The following KIF16B variants were observed in gnomAD, a reference collection of about 807,000 sequenced individuals.
KIF16B encodes kinesin-like protein KIF16B.
In KIF16B, 98 loss-of-function variants were observed where a neutral mutation model predicts 156.3. The observed-to-expected ratio is 0.63, with a 90% CI of 0.53 to 0.74. The LOEUF (loss-of-function observed/expected upper bound fraction) is 0.74. Among genes scored for constraint, KIF16B ranks in the 30% least tolerant of loss-of-function variants. The probability of loss-of-function intolerance (pLI) is 0.00; values close to 1 mark genes in which losing one functional copy is unlikely to be tolerated. For missense variants in KIF16B, 1,421 were observed against 1,606.5 expected (o/e 0.88, Z 1.97); for synonymous variants, 564 against 583.7 (o/e 0.97, Z 0.49).
At chr20:16,566,831 C>T (rs1025422370) in intron 1 of KIF16B, among the ~76,000 whole-genome samples, 1 of 152,188 alleles carries the variant, frequency 6.6e-6, no homozygotes, top group Non-Finnish European at 1.5e-5. Flanking sequence ...TAACTAAAAT[C>T]CTTTTTTTAT....
intron 23 of KIF16B, among the ~76,000 whole-genome samples, chr20:16,341,879 G>C (rs753322580): frequency 1.1e-4 from 16 of 152,174 alleles, no homozygotes; most frequent in Non-Finnish European, 1.9e-4. Context: ...GGCATTTAGG[G>C]ACTTTCCTAG....
intron 12 of KIF16B, among the ~76,000 whole-genome samples, chr20:16,482,486 A>G (rs1222288247): frequency 2.6e-5 from 4 of 152,122 alleles, no homozygotes; most frequent in African/African-American, 9.7e-5. Context: ...ACTACCTATG[A>G]AAGACTGAAG....
At chr20:16,497,460 A>G (rs1404744828) in intron 11 of KIF16B, among the ~76,000 whole-genome samples, 153 bp downstream of exon 11, 3 of 152,236 alleles carry the variant, frequency 2.0e-5, no homozygotes, top group African/African-American at 4.8e-5. Flanking sequence ...AATGTCAGCT[A>G]TCGTGCTTCT....
chr20:16,332,021 T>C (rs1394622762), intron 24 of KIF16B, among the ~76,000 whole-genome samples: 1 of 152,208 alleles, frequency 6.6e-6, no homozygotes, highest in Non-Finnish European at 1.5e-5. Context: ...GATATTCAAC[T>C]TAATTTTAAG....
intron 12 of KIF16B, among the ~76,000 whole-genome samples, chr20:16,447,011 A>C (rs2146570126): frequency 6.6e-6 from 1 of 152,328 alleles, no homozygotes; most frequent in East Asian, 1.9e-4. Flanking sequence ...AGTGCTGAGC[A>C]CAGGGCAGGC....
rs190478548 is a variant in KIF16B, at chr20:16,404,182, C to T, written c.1784+631G>A. 5.1e-4 allele frequency among the ~76,000 whole-genome samples: 78 copies of T among 152,204 alleles called. No individual in the cohort carries two copies. The Middle Eastern group carries it at 0.01, about 20-fold the overall frequency. On this transcript the variant is annotated intron_variant, in intron 17 of 25. Transcript: ENST00000354981. ...CTCCATTATTTTACATGAGATTATCCTGGTAGGAAAGATAAAATTATGGAA... is the reference window on the plus strand; with the variant it reads ...CTCCATTATTTTACATGAGATTATCTTGGTAGGAAAGATAAAATTATGGAA...
chr20:16,532,346 A>T (rs1374792326), intron 1 of KIF16B, among the ~76,000 whole-genome samples: 1 of 152,140 alleles, frequency 6.6e-6, no homozygotes, highest in Non-Finnish European at 1.5e-5. Flanking sequence ...TTGTGAACAA[A>T]CCCAAAAAGC....
At chr20:16,501,735 A>C (rs1287268122) in intron 10 of KIF16B, among the ~76,000 whole-genome samples, 3 of 152,210 alleles carry the variant, frequency 2.0e-5, no homozygotes, top group African/African-American at 7.2e-5. Context: ...GACTGAAAGA[A>C]GTGAGATCAA....
At chr20:16,325,035 G>T (rs994565960) in intron 24 of KIF16B, among the ~76,000 whole-genome samples, 3 of 151,862 alleles carry the variant, frequency 2.0e-5, no homozygotes, top group Admixed American at 6.6e-5. Context: ...ACATAAACAG[G>T]ATTGAAAACA....
intron 12 of KIF16B, among the ~76,000 whole-genome samples, chr20:16,454,667 T>C (rs1484880144): frequency 2.0e-5 from 3 of 151,964 alleles, no homozygotes; most frequent in Non-Finnish European, 1.5e-5. Flanking sequence ...AATGCTGTTA[T>C]TAAGGAAGAT....
intron 1 of KIF16B, among the ~76,000 whole-genome samples, chr20:16,554,906 T>C (rs1353906150): frequency 6.6e-6 from 1 of 152,238 alleles, no homozygotes; most frequent in African/African-American, 2.4e-5. Context: ...CCCACCCCAC[T>C]GCAGTCAGCA....
intron 1 of KIF16B, among the ~76,000 whole-genome samples, chr20:16,536,062 C>T (rs1404887990): frequency 2.6e-5 from 4 of 152,076 alleles, no homozygotes; most frequent in South Asian, 2.1e-4. Context: ...GCACTATTCA[C>T]AATAGCAAAG....
intron 24 of KIF16B, among the ~76,000 whole-genome samples, chr20:16,335,393 G>A (rs183138189): frequency 6.6e-6 from 1 of 152,276 alleles, no homozygotes; most frequent in African/African-American, 2.4e-5. Flanking sequence ...CTGGATATTT[G>A]ATCTGATGCA....
At chr20:16,513,672 A>C (rs998869043) in intron 4 of KIF16B, among the ~76,000 whole-genome samples, 3 of 148,660 alleles carry the variant, frequency 2.0e-5, no homozygotes, top group Non-Finnish European at 2.9e-5. Context: ...AAAAAAAAAA[A>C]AAAAAAAAAA....
intron 12 of KIF16B, among the ~76,000 whole-genome samples, chr20:16,470,541 T>C (rs1158717222): frequency 6.6e-6 from 1 of 152,112 alleles, no homozygotes; most frequent in Non-Finnish European, 1.5e-5. Flanking sequence ...TGGAGTGCAG[T>C]GGTTGATCAC....
At chr20:16,294,699 C>T (rs74880926) in intron 25 of KIF16B, among the ~76,000 whole-genome samples, 4,006 of 152,148 alleles carry the variant, frequency 0.026, 70 homozygotes, top group Middle Eastern at 0.051. Context: ...GTGCAGACAC[C>T]CACACCGGAA....
intron 25 of KIF16B, among the ~76,000 whole-genome samples, chr20:16,289,000 G>A (rs1000812260): frequency 6.6e-5 from 10 of 150,756 alleles, no homozygotes; most frequent in African/African-American, 1.9e-4. Context: ...ATAAACCCAC[G>A]GCCAGTTGAA....
At chr20:16,485,532 GA>G (rs2146870683) in intron 12 of KIF16B, among the ~76,000 whole-genome samples, 1 of 151,816 alleles carries the variant, frequency 6.6e-6, no homozygotes, top group Admixed American at 6.5e-5. Flanking sequence ...TTAACTGAGA[GA>G]ATGACAAACA....
In KIF16B at chr20:16,505,819, TG is replaced by T. The variant is rs1300401420; in HGVS notation, c.902del (p.Ala301GlufsTer15). 2 of 1,614,050 alleles carry T rather than the reference TG, an allele frequency of 1.2e-6. No individual in the cohort carries two copies. The highest frequency in any genetic ancestry group is 1.7e-6 in the Non-Finnish European group (2 of 1,179,958). On this transcript the variant is annotated frameshift_variant, in exon 9 of 26. Transcript: ENST00000354981. LOFTEE classifies it high-confidence loss of function. ...AAGGCACGAAAACTTGCTTCTTCTT[TG>T]CAAGAGTATTTGCAGCATCCTGAGA... ...DLSQDAANTL[A>X]KKKQVFVPYR...
Sources: allele counts gnomAD v4.1 joint callset (sites outside exome capture counted in the v4.1 genomes callset), GRCh38; gene constraint gnomAD v4.1.1; transcripts MANE v1.5; gene names NCBI Gene and HGNC (gene_info 2026-07-23, HGNC 2026-07-21).